KARS1: variants seen among roughly 807,000 people sequenced by gnomAD.
The protein encoded by KARS1 is lysine--tRNA ligase.
Under a neutral mutation model 63.9 loss-of-function variants are expected in KARS1, and 50 were observed. The observed-to-expected ratio is 0.78, with a 90% CI of 0.62 to 0.99. KARS1 has a LOEUF of 0.99. Ranked by LOEUF, KARS1 falls within the 50% of genes least tolerant of loss-of-function variation. The probability of loss-of-function intolerance (pLI) is 0.00; values close to 1 mark genes in which losing one functional copy is unlikely to be tolerated. For missense variants in KARS1, 816 were observed against 754.5 expected (o/e 1.08, Z -0.95); for synonymous variants, 320 against 264.6 (o/e 1.21, Z -2.03).
At position 75,636,052 on chromosome 16, in the gene KARS1, G is replaced by T; in HGVS notation, c.529C>A (p.Arg177Ser). The T allele has an allele frequency of 6.2e-7, 1 of 1,605,978 alleles. No individual in the cohort carries two copies. Among genetic ancestry groups the T allele is most frequent in the Non-Finnish European group, 8.5e-7 (1 of 1,172,668 alleles). Residue 177 changes from arginine (R) to serine (S), a missense_variant, in exon 5 of 14, where the codon CGT (arginine) becomes AGT (serine). Arg to Ser is a moderately radical substitution (Grantham distance 110). Transcript: ENST00000302445. ...EEFIHINNKL[R>S]RGDIIGVQGN... ...TGAACTCCAATTATGTCTCCCCGACGCAGTTTGTTATTAATATGAATAAAT... is the reference window on the plus strand; with the variant it reads ...TGAACTCCAATTATGTCTCCCCGACTCAGTTTGTTATTAATATGAATAAAT...
At chr16:75,645,964 C>G (rs1289729995) in intron 1 of KARS1, among the ~76,000 whole-genome samples, 1 of 151,530 alleles carries the variant, frequency 6.6e-6, no homozygotes, top group Non-Finnish European at 1.5e-5. Flanking sequence ...TCCTAAAGTT[C>G]AATTCAATGT....
At chr16:75,634,485 A>G (rs1378247262) in intron 6 of KARS1, among the ~76,000 whole-genome samples, 193 bp from the exon 7 acceptor site, 2 of 152,224 alleles carry the variant, frequency 1.3e-5, no homozygotes, top group Non-Finnish European at 2.9e-5. Context: ...TTCTATTAAT[A>G]CCTAATATCA....
chr16:75,639,465 G>C (rs1043561100), intron 3 of KARS1, among the ~76,000 whole-genome samples: 66 of 151,848 alleles, frequency 4.3e-4, no homozygotes, highest in African/African-American at 1.4e-3. Flanking sequence ...CCAGGTACTC[G>C]GGAGGCTGAG....
chr16:75,634,388 C>A (rs113846451), intron 6 of KARS1, 96 bp from the exon 7 acceptor site: 25 of 1,268,346 alleles, frequency 2.0e-5, no homozygotes, highest in African/African-American at 8.9e-5. Context: ...CCTGTTATAC[C>A]CCAAACTAAA....
At chr16:75,642,639 A>G (rs912317372) in intron 1 of KARS1, 1 of 152,202 alleles carries the variant, frequency 6.6e-6, no homozygotes. Flanking sequence ...CTCCCCTACC[A>G]ACAGTCTCTC....
chr16:75,641,844 C>A (rs1047278317), intron 1 of KARS1, 121 bp from the exon 2 acceptor site: 1 of 949,628 alleles, frequency 1.1e-6, no homozygotes, highest in Admixed American at 1.8e-5. Context: ...CAGTTCTATA[C>A]CCCTCAATTC....
At chr16:75,645,391 G>C (rs1438301767) in intron 1 of KARS1, among the ~76,000 whole-genome samples, 3 of 152,136 alleles carry the variant, frequency 2.0e-5, no homozygotes, top group Non-Finnish European at 1.5e-5. Flanking sequence ...CACTTTAATA[G>C]TGCATTTAAT....
intron 7 of KARS1, among the ~76,000 whole-genome samples, chr16:75,633,392 A>T (rs1159845417): frequency 6.6e-6 from 1 of 152,156 alleles, no homozygotes; most frequent in East Asian, 1.9e-4. Flanking sequence ...GAGCTGAATA[A>T]ATTTTTATTT....
intron 3 of KARS1, among the ~76,000 whole-genome samples, chr16:75,639,464 C>G (rs946583268): frequency 1.4e-5 from 2 of 144,910 alleles, no homozygotes; most frequent in Non-Finnish European, 3.0e-5. Flanking sequence ...CCCAGGTACT[C>G]GGGAGGCTGA....
chr16:75,633,380 T>C lies in KARS1; in HGVS notation c.915+793A>G, dbSNP rs369340425. Among the ~76,000 whole-genome samples the C allele has an allele frequency of 4.6e-5, 7 of 152,314 alleles. No individual in the cohort carries two copies. In the East Asian group the frequency reaches 1.4e-3, roughly 29 times the overall value. ...CTTGTGAGGAGCAATACCTCACCTA[T>C]AGAGCTGAATAAATTTTTATTTTGC... On this transcript the variant is annotated intron_variant, in intron 7 of 13. Transcript: ENST00000302445.
chr16:75,636,790 C>T (rs1447371575), intron 3 of KARS1, among the ~76,000 whole-genome samples: 1 of 151,840 alleles, frequency 6.6e-6, no homozygotes, highest in Non-Finnish European at 1.5e-5. Flanking sequence ...CACACCACCA[C>T]ACTCGGCTAA....
chr16:75,636,939 C>T (rs560205667), intron 3 of KARS1, among the ~76,000 whole-genome samples: 2 of 144,478 alleles, frequency 1.4e-5, no homozygotes, highest in African/African-American at 5.4e-5. Context: ...CACACCCGGC[C>T]TGCATTTTTT....
intron 11 of KARS1, among the ~76,000 whole-genome samples, chr16:75,629,893 T>G (rs1277580411): frequency 1.3e-5 from 2 of 152,252 alleles, no homozygotes; most frequent in Non-Finnish European, 2.9e-5. Context: ...GAAGCCTGCA[T>G]GCAGTCTCAG....
chr16:75,647,569 G>A lies in KARS1; in HGVS notation c.62+9C>T. The A allele has an allele frequency of 2.5e-6, 4 of 1,612,280 alleles. No individual in the cohort carries two copies. The highest frequency in any genetic ancestry group is 3.4e-6 in the Non-Finnish European group (4 of 1,178,914). On this transcript the variant is annotated intron_variant, in intron 1 of 13. Coordinates refer to ENST00000302445, the MANE Select transcript of KARS1 (RefSeq NM_005548.3). ...CGCAAAGGCTTTAAAGACTCGCAGC[G>A]ACACTCACTTCTTGCTCAGTTTCGG...
intron 1 of KARS1, among the ~76,000 whole-genome samples, chr16:75,642,122 A>G (rs2082231442): frequency 6.8e-6 from 1 of 148,112 alleles, no homozygotes; most frequent in Non-Finnish European, 1.5e-5. Context: ...CTCCTTGAGG[A>G]CAGTGACTGA....
intron 11 of KARS1, 24 bp from the exon 12 acceptor site, chr16:75,629,565 A>T: frequency 6.2e-7 from 1 of 1,613,306 alleles, no homozygotes; most frequent in South Asian, 1.1e-5. Flanking sequence ...ACCAAAGAGG[A>T]GGCTGAATAT....
At chr16:75,647,546 C>G in intron 1 of KARS1, 32 bp downstream of exon 1, 2 of 1,606,072 alleles carry the variant, frequency 1.2e-6, no homozygotes, top group Non-Finnish European at 1.7e-6. Context: ...TCTCCTACCG[C>G]AAAGGCTTTA....
chr16:75,647,658 C>G lies in KARS1; in HGVS notation c.-19G>C, dbSNP rs754237594. 15 of 1,613,276 alleles carry G rather than the reference C, an allele frequency of 9.3e-6. No individual in the cohort carries two copies. In the African/African-American group the frequency reaches 1.7e-4, roughly 19 times the overall value. On this transcript the variant is annotated 5_prime_UTR_variant, in exon 1 of 14. Coordinates refer to ENST00000302445, the MANE Select transcript of KARS1 (RefSeq NM_005548.3). ...CCGCCATCTTCCCGGAGGGCCCGACCCAAAAGTAAGGAGGATAGTACGTTA... is the reference window on the plus strand; with the variant it reads ...CCGCCATCTTCCCGGAGGGCCCGACGCAAAAGTAAGGAGGATAGTACGTTA...
At chr16:75,629,567 G>C in intron 11 of KARS1, 26 bp from the exon 12 acceptor site, 1 of 1,613,114 alleles carries the variant, frequency 6.2e-7, no homozygotes, top group Non-Finnish European at 8.5e-7. Context: ...CAAAGAGGAG[G>C]CTGAATATAG....
Sources: gnomAD v4.1 joint callset for allele counts (sites outside exome capture counted in the v4.1 genomes callset) on GRCh38, gnomAD v4.1.1 for gene constraint, MANE v1.5 for transcripts, NCBI Gene and HGNC (gene_info 2026-07-23, HGNC 2026-07-21) for gene names.